The following SLC38A6 variants were observed in gnomAD, a reference collection of about 807,000 sequenced individuals.
SLC38A6 encodes solute carrier family 38 member 6.
Under a neutral mutation model 65.0 loss-of-function variants are expected in SLC38A6, and 73 were observed. The observed-to-expected ratio is 1.12, with a 90% CI of 0.93 to 1.37. The LOEUF is 1.37. Among genes scored for constraint, SLC38A6 ranks in the 40% most tolerant of loss-of-function variants. The pLI is 0.00. For synonymous variants in SLC38A6, 183 were observed against 178.8 expected, an observed-to-expected ratio of 1.02 and a Z score of -0.19; for missense variants, 561 against 531.1, an observed-to-expected ratio of 1.06 and a Z score of -0.55.
chr14:60,981,527 C>G (rs1337382137), intron 1 of SLC38A6, 145 bp downstream of exon 1: 1 of 1,532,456 alleles, frequency 6.5e-7, no homozygotes, highest in Admixed American at 2.0e-5. Context: ...CTGAAGGCAG[C>G]CGCCGAGATT....
At chr14:60,986,421 G>A (rs1382875355) in intron 3 of SLC38A6, among the ~76,000 whole-genome samples, 1 of 152,184 alleles carries the variant, frequency 6.6e-6, no homozygotes, top group East Asian at 1.9e-4. Flanking sequence ...TTTTTAACAA[G>A]TCCTCCAAGT....
intron 3 of SLC38A6, among the ~76,000 whole-genome samples, chr14:60,986,440 T>G (rs1213174878): frequency 6.6e-6 from 1 of 152,218 alleles, no homozygotes; most frequent in East Asian, 1.9e-4. Flanking sequence ...GTGATTCTTA[T>G]GCAAATCTAG....
intron 4 of SLC38A6, among the ~76,000 whole-genome samples, chr14:61,017,961 GAACTTGTTAAAGATTTA>G (rs2040118409): frequency 6.6e-6 from 1 of 152,044 alleles, no homozygotes; most frequent in African/African-American, 2.4e-5. Context: ...GAAATGTTTT[GAACTTGTTAAAGATTTA>G]TTTCAATGTC....
Position 61,019,570 on chromosome 14 carries a change from G to C in SLC38A6, c.393G>C (p.Gln131His). Reference protein sequence around the residue: ...KLVVAGTIIIQNIGAMSSYLL... With the variant: ...KLVVAGTIIIHNIGAMSSYLL... ...TGGTGGCAGGCACCATAATAATTCAGAATATTGGAGGTAAGCAATTGCAAG... is the reference window on the plus strand; with the variant it reads ...TGGTGGCAGGCACCATAATAATTCACAATATTGGAGGTAAGCAATTGCAAG... Residue 131 changes from glutamine (Q) to histidine (H), a missense_variant, in exon 5 of 16, where the codon CAG becomes CAC. By Grantham distance (24) the Gln-to-His change is conservative. Transcript: ENST00000267488. 1 of 1,613,378 alleles carries C rather than the reference G, an allele frequency of 6.2e-7. No individual in the cohort carries two copies. The highest frequency in any genetic ancestry group is 8.5e-7 in the Non-Finnish European group (1 of 1,179,502).
At chr14:61,018,934 A>G (rs1053546565) in intron 4 of SLC38A6, among the ~76,000 whole-genome samples, 1 of 152,228 alleles carries the variant, frequency 6.6e-6, no homozygotes, top group Non-Finnish European at 1.5e-5. Context: ...TTGAAGGGGG[A>G]GGAATTCTCC....
chr14:61,052,516 A>G lies in SLC38A6; in HGVS notation c.*87A>G. On this transcript the variant is annotated 3_prime_UTR_variant, in exon 16 of 16. Coordinates refer to ENST00000267488, the MANE Select transcript of SLC38A6 (RefSeq NM_153811.3). ...CCGGAAGACACCCTGGATGAAAAAT[A>G]ACATTTTAATAAAAATTATTAACAG... is the stretch of plus-strand genomic sequence containing the variant. 2.1e-6 allele frequency: 3 copies of G among 1,452,646 alleles called. No individual in the cohort carries two copies. Among genetic ancestry groups the G allele is most frequent in the Non-Finnish European group, 2.7e-6 (3 of 1,109,184 alleles). The allele number at this position is 1,452,646 out of a possible 1,614,324, so 90.0% of individuals were successfully genotyped here.
chr14:60,985,759 T>C (rs898955293), intron 3 of SLC38A6, among the ~76,000 whole-genome samples: 1 of 152,196 alleles, frequency 6.6e-6, no homozygotes, highest in Non-Finnish European at 1.5e-5. Flanking sequence ...TTCTACAGGC[T>C]CTGCAAGAAG....
Position 61,035,240 on chromosome 14 carries a change from GA to G in SLC38A6, c.483-1811del, listed in dbSNP as rs112029843. Among the ~76,000 whole-genome samples, 5 of 151,724 alleles carry G rather than the reference GA, an allele frequency of 3.3e-5. No individual in the cohort carries two copies. In the South Asian group the frequency reaches 6.2e-4, roughly 19 times the overall value. ...TGACAGCTACGATAAAGAAAATTGAGAAAAAAAAGCAAAGAAAAATCATGCA... is the reference window on the plus strand; with the variant it reads ...TGACAGCTACGATAAAGAAAATTGAGAAAAAAAGCAAAGAAAAATCATGCA... On this transcript the variant is annotated intron_variant, in intron 6 of 15. Transcript: ENST00000267488.
At chr14:61,029,271 T>C (rs897447003) in intron 5 of SLC38A6, among the ~76,000 whole-genome samples, 6 of 151,540 alleles carry the variant, frequency 4.0e-5, no homozygotes, top group South Asian at 2.1e-4. Flanking sequence ...TTCTCCTGCC[T>C]CAGCCTCCCA....
At chr14:61,052,292 T>C (rs1172523038) in intron 15 of SLC38A6, 57 bp from the exon 16 acceptor site, 26 of 1,414,046 alleles carry the variant, frequency 1.8e-5, no homozygotes, top group South Asian at 9.6e-5. Context: ...CAATTGTATT[T>C]TTTTATCTTT....
intron 5 of SLC38A6, among the ~76,000 whole-genome samples, chr14:61,021,571 G>A (rs1460348683): frequency 6.6e-6 from 1 of 152,174 alleles, no homozygotes; most frequent in Non-Finnish European, 1.5e-5. Context: ...AAGGATTCTT[G>A]CATTTGGAGG....
chr14:61,034,354 A>T (rs904567401), intron 6 of SLC38A6: 1 of 151,918 alleles, frequency 6.6e-6, no homozygotes, highest in Non-Finnish European at 1.5e-5. Context: ...GCTTATAATA[A>T]TTTTTTGTTT....
intron 16 of SLC38A6, among the ~76,000 whole-genome samples, chr14:61,079,177 G>A (rs927824954): frequency 3.6e-4 from 46 of 126,504 alleles, no homozygotes; most frequent in African/African-American, 2.5e-4. Flanking sequence ...TCGCTCTGTC[G>A]CCCAGGCTGG....
Position 60,988,084 on chromosome 14 carries a change from C to T in SLC38A6, c.310+3281C>T, listed in dbSNP as rs901737315. Among the ~76,000 whole-genome samples, 4 of 152,212 alleles carry T rather than the reference C, an allele frequency of 2.6e-5. No individual in the cohort carries two copies. The South Asian group carries it at 8.3e-4, about 31-fold the overall frequency. On this transcript the variant is annotated intron_variant, in intron 3 of 15. Transcript: ENST00000267488. ...CACAGTCAATCATCAGCAAAACTCA[C>T]ATGTCTCTAATTCTCTTCTGAACAT...
intron 16 of SLC38A6, among the ~76,000 whole-genome samples, chr14:61,079,162 G>A (rs1480155963): frequency 8.8e-6 from 1 of 114,100 alleles, no homozygotes; most frequent in Non-Finnish European, 1.7e-5. Flanking sequence ...TTTTGAGACA[G>A]AGTCTCGCTC....
chr14:61,064,478 G>A (rs1880576023), intron 15 of SLC38A6, among the ~76,000 whole-genome samples: 1 of 151,570 alleles, frequency 6.6e-6, no homozygotes, highest in Non-Finnish European at 1.5e-5. Context: ...TTGGCAAAGG[G>A]ACAGTCTGTT....
rs975608916 is a variant in SLC38A6 at position 61,052,036 on chromosome 14, T to C, written c.1196-5T>C. The C allele has an allele frequency of 6.2e-7, 1 of 1,601,708 alleles. No homozygotes were observed. The highest frequency in any genetic ancestry group is 8.5e-7 in the Non-Finnish European group (1 of 1,175,716). On this transcript the variant is annotated splice_region_variant and splice_polypyrimidine_tract_variant and intron_variant, in intron 14 of 15. Transcript: ENST00000267488. The stretch of plus-strand genomic sequence containing the variant: ...TCCTCTCTTTTTTTTCCCTCCACTT[T>C]AAAGGTGCCAGTACATCAACATGTT...
chr14:61,009,729 G>A (rs1292893094), intron 3 of SLC38A6, among the ~76,000 whole-genome samples: 1 of 152,172 alleles, frequency 6.6e-6, no homozygotes, highest in Non-Finnish European at 1.5e-5. Flanking sequence ...TTTTATGGCT[G>A]CATAGTATTC....
chr14:61,006,290 A>G (rs888875893), intron 3 of SLC38A6, among the ~76,000 whole-genome samples: 2 of 152,232 alleles, frequency 1.3e-5, no homozygotes, highest in Admixed American at 1.3e-4. Flanking sequence ...TGTCTAAAAC[A>G]TCAAAAGCAA....
Sources: allele counts gnomAD v4.1 joint callset (sites outside exome capture counted in the v4.1 genomes callset), GRCh38; gene constraint gnomAD v4.1.1; transcripts MANE v1.5; gene names NCBI Gene and HGNC (gene_info 2026-07-23, HGNC 2026-07-21).